Variants in CLUAP1 observed in about 807,000 individuals in gnomAD.
The protein encoded by CLUAP1 is clusterin-associated protein 1.
In CLUAP1, 50 loss-of-function variants were observed where a neutral mutation model predicts 55.0. The observed-to-expected ratio is 0.91, with a 90% CI of 0.72 to 1.15. CLUAP1 has a LOEUF of 1.15. CLUAP1 is among the 50% of genes most tolerant of loss of function. CLUAP1 has a pLI of 0.00. For missense variants in CLUAP1, 530 were observed against 507.6 expected (o/e 1.04, Z -0.42); for synonymous variants, 195 against 175.4 (o/e 1.11, Z -0.88).
At chr16:3,514,283 A>C (rs1481170022) in intron 5 of CLUAP1, among the ~76,000 whole-genome samples, 2 of 152,174 alleles carry the variant, frequency 1.3e-5, no homozygotes, top group East Asian at 3.9e-4. Flanking sequence ...AGTGGCTGAA[A>C]CTGTTCCCAA....
At chr16:3,526,549 A>T (rs1203516279) in intron 9 of CLUAP1, 65 bp downstream of exon 9, 1 of 957,518 alleles carries the variant, frequency 1.0e-6, no homozygotes, top group African/African-American at 1.7e-5. Flanking sequence ...TGAAATATAT[A>T]TAGAGAGATA....
At chr16:3,518,452 G>A (rs965289038) in intron 6 of CLUAP1, among the ~76,000 whole-genome samples, 7 of 152,192 alleles carry the variant, frequency 4.6e-5, no homozygotes, top group Admixed American at 4.6e-4. Flanking sequence ...GGTTTGGGGA[G>A]TACAGGCCAT....
chr16:3,524,254 A>C (rs889111761), intron 8 of CLUAP1, among the ~76,000 whole-genome samples: 3 of 151,342 alleles, frequency 2.0e-5, no homozygotes, highest in African/African-American at 7.3e-5. Flanking sequence ...GTGAGCCATG[A>C]TCATGCCACT....
intron 4 of CLUAP1, among the ~76,000 whole-genome samples, chr16:3,511,044 T>C (rs532506921): frequency 6.6e-6 from 1 of 152,234 alleles, no homozygotes; most frequent in East Asian, 1.9e-4. Context: ...CGCTCCACTT[T>C]TGAGAAGCAG....
In CLUAP1 at chr16:3,536,107, A is replaced by G. The variant is rs913038838; in HGVS notation, c.1093-15A>G. 6.2e-7 allele frequency: 1 copy of G among 1,613,092 alleles called. No homozygotes were observed. The highest frequency in any genetic ancestry group is 8.5e-7 in the Non-Finnish European group (1 of 1,179,338). ...GGCAGGATCCCCCGTTGCATCTGCC[A>G]TTTTTTTCCTATAGGAGGACTCGGA... On this transcript the variant is annotated splice_polypyrimidine_tract_variant and intron_variant, in intron 11 of 11. Coordinates refer to ENST00000576634, the MANE Select transcript of CLUAP1 (RefSeq NM_015041.3).
Position 3,512,448 on chromosome 16 carries a change from T to C in CLUAP1, c.465T>C (p.Tyr155=). The change falls in exon 5 of 12, where the codon TAT becomes TAC. Residue 155 remains tyrosine, a synonymous_variant. Coordinates refer to ENST00000576634, the MANE Select transcript of CLUAP1 (RefSeq NM_015041.3). ...SEITSKGASL[Y]DLLGMEVELR... is the part of the protein sequence containing the mutation. ...TCACCTCCAAAGGAGCATCTCTGTA[T>C]GACTTGCTCGGCATGGAAGTAGAGT... 1 of 1,614,068 alleles carries C rather than the reference T, an allele frequency of 6.2e-7. No individual in the cohort carries two copies. Among genetic ancestry groups the C allele is most frequent in the Non-Finnish European group, 8.5e-7 (1 of 1,179,922 alleles).
intron 11 of CLUAP1, chr16:3,535,302 G>A (rs1415427046): frequency 2.6e-5 from 4 of 152,558 alleles, no homozygotes; most frequent in African/African-American, 9.7e-5. Context: ...TGAGTTCAAC[G>A]ACTCGCTCAG....
Position 3,532,848 on chromosome 16 carries a change from C to T in CLUAP1, c.1092+7C>T, listed in dbSNP as rs569989635. 1.4e-5 allele frequency: 22 copies of T among 1,613,742 alleles called. No homozygotes were observed. Among genetic ancestry groups the T allele is most frequent in the African/African-American group, 6.7e-5 (5 of 74,900 alleles). On this transcript the variant is annotated splice_region_variant and intron_variant, in intron 11 of 11. Transcript: ENST00000576634. Reference sequence around the variant, plus strand: ...TGGAGACTCCGATGACAATGTAAGTCCCCCGCTCCCCTCAGTGGTTCTGTG... The same window carrying T: ...TGGAGACTCCGATGACAATGTAAGTTCCCCGCTCCCCTCAGTGGTTCTGTG...
chr16:3,533,387 C>T, intron 11 of CLUAP1: 1 of 545,484 alleles, frequency 1.8e-6, no homozygotes, highest in Non-Finnish European at 3.3e-6. Context: ...AGGCCCTGGG[C>T]CGCCACCTAG....
At chr16:3,532,988 T>A in intron 11 of CLUAP1, 147 bp downstream of exon 11, 2 of 1,346,280 alleles carry the variant, frequency 1.5e-6, no homozygotes, top group Admixed American at 1.9e-5. Flanking sequence ...TTTGGCCTCA[T>A]GAGGCTCTGG....
Position 3,537,617 on chromosome 16 carries a change from C to T in CLUAP1, c.*1346C>T, listed in dbSNP as rs895462066. 1 of 151,942 alleles carries T rather than the reference C, an allele frequency of 6.6e-6. No homozygotes were observed. The highest frequency in any genetic ancestry group is 1.5e-5 in the Non-Finnish European group (1 of 68,096). The allele number at this position is 151,942 out of a possible 1,614,324, so 9.4% of individuals were successfully genotyped here. A position where few individuals can be genotyped will look rare whatever the true frequency, so the allele number is the denominator to read the frequency against. ...CCAGGAAGTTGAGGCTGCAATGAGC[C>T]GTGATCATGCCACTGCACTCCAGCC... On this transcript the variant is annotated 3_prime_UTR_variant, in exon 12 of 12. Coordinates refer to ENST00000576634, the MANE Select transcript of CLUAP1 (RefSeq NM_015041.3).
In CLUAP1 at chr16:3,508,289, G is replaced by T; in HGVS notation, c.220G>T (p.Ala74Ser). ...TTTTTTTTTTTTGGTCTAAAAATAGGCCACCAAGGCACATATAAAACTCAA... is the reference window on the plus strand; with the variant it reads ...TTTTTTTTTTTTGGTCTAAAAATAGTCCACCAAGGCACATATAAAACTCAA... The part of the protein sequence containing the change: ...FFIKAIAQFM[A>S]TKAHIKLNTK... Residue 74 changes from alanine to serine, a missense_variant and splice_region_variant, in exon 4 of 12, where the codon GCC becomes TCC. Physicochemically the swap from Ala to Ser is moderately conservative, Grantham distance 99. Transcript: ENST00000576634. 1 of 1,585,262 alleles carries T rather than the reference G, an allele frequency of 6.3e-7. No homozygotes were observed. The highest frequency in any genetic ancestry group is 8.5e-7 in the Non-Finnish European group (1 of 1,172,502).
intron 1 of CLUAP1, among the ~76,000 whole-genome samples, chr16:3,501,678 A>G (rs2037405868): frequency 6.6e-6 from 1 of 152,026 alleles, no homozygotes; most frequent in Non-Finnish European, 1.5e-5. Context: ...GCTACTCGGG[A>G]GTCTGAAGCA....
intron 10 of CLUAP1, among the ~76,000 whole-genome samples, chr16:3,531,500 C>T (rs1307192671): frequency 6.6e-6 from 1 of 150,508 alleles, no homozygotes; most frequent in East Asian, 1.9e-4. Context: ...CCAGCCTGGG[C>T]GACAGAGTGA....
Position 3,506,328 on chromosome 16 carries a change from T to C in CLUAP1, c.135-3T>C, listed in dbSNP as rs1209857976. ...TGCTCTCTCCTCTTACCTCTCTTGA[T>C]AGATATGAGCCCCAGACTGACATCC... On this transcript the variant is annotated splice_region_variant and splice_polypyrimidine_tract_variant and intron_variant, in intron 2 of 11. Transcript: ENST00000576634. The C allele has an allele frequency of 4.3e-6, 7 of 1,612,854 alleles. No individual in the cohort carries two copies. Among genetic ancestry groups the C allele is most frequent in the African/African-American group, 1.3e-5 (1 of 74,878 alleles).
chr16:3,499,636 TTA>T (rs1483499947), upstream of CLUAP1, among the ~76,000 whole-genome samples: 1 of 152,144 alleles, frequency 6.6e-6, no homozygotes, highest in Non-Finnish European at 1.5e-5. Context: ...CTGTTTCTCA[TTA>T]TTGAGTGTTG....
At chr16:3,531,233 A>G (rs867965910) in intron 10 of CLUAP1, among the ~76,000 whole-genome samples, 9 of 152,254 alleles carry the variant, frequency 5.9e-5, no homozygotes, top group South Asian at 2.1e-4. Flanking sequence ...TCTTAAAACT[A>G]AGTTAAGCCA....
intron 3 of CLUAP1, among the ~76,000 whole-genome samples, chr16:3,507,961 T>C (rs2037541989): frequency 6.6e-6 from 1 of 152,178 alleles, no homozygotes; most frequent in African/African-American, 2.4e-5. Flanking sequence ...GAAGCTTTGC[T>C]CTTTGGAACA....
In CLUAP1 at chr16:3,529,582, A is replaced by ATATTATATATTATATAT. The variant is rs1567439629; in HGVS notation, c.929-973_929-972insATATTATTATATATTAT. On this transcript the variant is annotated intron_variant, in intron 9 of 11. Coordinates refer to ENST00000576634, the MANE Select transcript of CLUAP1 (RefSeq NM_015041.3). ...ATTATTATATATTATATATTATATA[A>ATATTATATATTATATAT]TATTATATATTATTATATATTATAT... Among the ~76,000 whole-genome samples the ATATTATATATTATATAT allele has an allele frequency of 1.4e-3, 57 of 40,162 alleles. 3 individuals are homozygous for ATATTATATATTATATAT. The highest frequency in any genetic ancestry group is 7.1e-3 in the African/African-American group (54 of 7,558). The allele number at this position is 40,162 out of a possible 152,430, so 26.3% of individuals were successfully genotyped here.
Sources: allele counts gnomAD v4.1 joint callset (sites outside exome capture counted in the v4.1 genomes callset), GRCh38; gene constraint gnomAD v4.1.1; transcripts MANE v1.5; gene names NCBI Gene and HGNC (gene_info 2026-07-23, HGNC 2026-07-21).